Variants in SRCAP observed in about 807,000 individuals in gnomAD.
SRCAP encodes chromatin remodeling protein SRCAP.
SRCAP carries 46 observed loss-of-function variants against 263.1 expected under a neutral mutation model. That is an observed-to-expected ratio of 0.17 (90% CI 0.14 to 0.22). The LOEUF (loss-of-function observed/expected upper bound fraction) is 0.22, where lower values mean the gene tolerates loss of function less well. SRCAP is among the 10% of genes least tolerant of loss of function. SRCAP has a pLI of 1.00. For synonymous variants in SRCAP, 1,813 were observed against 1,662.1 expected, an observed-to-expected ratio of 1.09 and a Z score of -2.21; for missense variants, 3,695 against 4,181.9, an observed-to-expected ratio of 0.88 and a Z score of 3.21.
Position 30,733,110 on chromosome 16 carries a change from A to T in SRCAP, c.6128-170A>T, listed in dbSNP as rs1016497144. On this transcript the variant is annotated intron_variant, in intron 27 of 33. Transcript: ENST00000262518. The surrounding 1 kb of genome is among the most constrained non-coding windows in gnomAD (Gnocchi z 5.3). Reference sequence around the variant, plus strand: ...CTCAGCTTCTCAGAGTGCAGGGACTACAGGTGTGAGCCACCATGCCCTGCC... The same window carrying T: ...CTCAGCTTCTCAGAGTGCAGGGACTTCAGGTGTGAGCCACCATGCCCTGCC... Among the ~76,000 whole-genome samples, 1 of 152,192 alleles carries T rather than the reference A, an allele frequency of 6.6e-6. No individual in the cohort carries two copies. The highest frequency in any genetic ancestry group is 6.5e-5 in the Admixed American group (1 of 15,274).
rs142064048 is a variant in SRCAP, at chr16:30,739,765, G to A, written c.*32G>A. On this transcript the variant is annotated 3_prime_UTR_variant, in exon 34 of 34. Coordinates refer to ENST00000262518, the MANE Select transcript of SRCAP (RefSeq NM_006662.3). Reference sequence around the variant, plus strand: ...TGCCCCTCCACCTAGGCTTTCCACCGTGGCCACTCCCTCCATGACCAGGCC... The same window carrying A: ...TGCCCCTCCACCTAGGCTTTCCACCATGGCCACTCCCTCCATGACCAGGCC... 72 of 1,451,578 alleles carry A rather than the reference G, an allele frequency of 5.0e-5. No individual in the cohort carries two copies. The highest frequency in any genetic ancestry group is 5.9e-5 in the Non-Finnish European group (65 of 1,100,278). 89.9% of individuals were successfully genotyped at this position (1,451,578 alleles called of 1,614,324 possible).
intron 19 of SRCAP, 44 bp from the exon 20 acceptor site, chr16:30,720,669 A>C (rs759424397): frequency 1.3e-6 from 2 of 1,526,050 alleles, no homozygotes; most frequent in Non-Finnish European, 1.8e-6. Flanking sequence ...GCTACCCCTT[A>C]TTCTCCTTCT....
At chr16:30,709,397 A>C (rs964606202) in intron 6 of SRCAP, 116 bp from the exon 7 acceptor site, 114 of 1,052,138 alleles carry the variant, frequency 1.1e-4, no homozygotes, top group Non-Finnish European at 1.3e-5. Flanking sequence ...ATTTAGTTTT[A>C]CTTTCCTAAG....
In SRCAP at chr16:30,737,260, A is replaced by C; in HGVS notation, c.7220A>C (p.Gln2407Pro). The C allele has an allele frequency of 1.2e-6, 2 of 1,613,950 alleles. No individual in the cohort carries two copies. Among genetic ancestry groups the C allele is most frequent in the East Asian group, 4.5e-5 (2 of 44,840 alleles). Residue 2407 changes from glutamine to proline, a missense_variant, in exon 34 of 34, where the codon CAA (glutamine) becomes CCA (proline). Gln to Pro is a moderately conservative substitution (Grantham distance 76, BLOSUM62 -1). Coordinates refer to ENST00000262518, the MANE Select transcript of SRCAP (RefSeq NM_006662.3). ...CTTCGTGGAGCCCGGGCTGAGACTCAAGGGGCAAACCACACTCCTGTCATA... is the reference window on the plus strand; with the variant it reads ...CTTCGTGGAGCCCGGGCTGAGACTCCAGGGGCAAACCACACTCCTGTCATA... Reference protein sequence around the residue: ...ERLRGARAETQGANHTPVISA... With the variant: ...ERLRGARAETPGANHTPVISA...
In SRCAP at chr16:30,710,740, C is replaced by A. The variant is rs534965827; in HGVS notation, c.1135-14C>A. 2 of 1,613,526 alleles carry A rather than the reference C, an allele frequency of 1.2e-6. No homozygotes were observed. Among genetic ancestry groups the A allele is most frequent in the African/African-American group, 2.7e-5 (2 of 74,878 alleles). ...AACCTTAGACCCTTCCCTTTTTTATCTTTTGCCATACAGATAAAGCCCCCA... is the reference window on the plus strand; with the variant it reads ...AACCTTAGACCCTTCCCTTTTTTATATTTTGCCATACAGATAAAGCCCCCA... On this transcript the variant is annotated splice_polypyrimidine_tract_variant and intron_variant, in intron 8 of 33. Transcript: ENST00000262518.
At chr16:30,702,960 C>G (rs1157301000) in intron 3 of SRCAP, among the ~76,000 whole-genome samples, 1 of 151,746 alleles carries the variant, frequency 6.6e-6, no homozygotes, top group Non-Finnish European at 1.5e-5. Flanking sequence ...TGCCTGCAGC[C>G]CATGCCTGTC....
Position 30,722,658 on chromosome 16 carries a change from G to A in SRCAP, c.3802G>A (p.Gly1268Ser), listed in dbSNP as rs1567247257. The A allele has an allele frequency of 6.2e-7, 1 of 1,613,864 alleles. No individual in the cohort carries two copies. Among genetic ancestry groups the A allele is most frequent in the Non-Finnish European group, 8.5e-7 (1 of 1,179,960 alleles). The change falls in exon 23 of 34, where the codon GGC becomes AGC. Residue 1268 changes from glycine (G) to serine (S), a missense_variant. Gly to Ser is a moderately conservative substitution (Grantham distance 56, BLOSUM62 0). This residue lies in a region of SRCAP where 1,347 missense variants were observed against 1,304.4 expected (regional missense o/e 1.03). Transcript: ENST00000262518. ...ALIQAVAPTP[G>S]PTPVSVLPSS... The stretch of plus-strand genomic sequence containing the variant: ...CATCCAGGCCGTGGCCCCGACCCCT[G>A]GCCCTACCCCTGTCTCTGTGCTGCC...
intron 25 of SRCAP, among the ~76,000 whole-genome samples, chr16:30,726,813 G>A (rs2053068917): frequency 6.6e-6 from 1 of 152,166 alleles, no homozygotes; most frequent in Non-Finnish European, 1.5e-5. Flanking sequence ...CGATTTTCCT[G>A]TGTCATCTTC....
At position 30,739,902 on chromosome 16, in the gene SRCAP, AAATGGG is replaced by A; in HGVS notation, c.*170_*175del. ...GGGGGTAGGCAACTGGTTGTCATGG[AAATGGG>A]GATCATCACAGTCCCCTTCCCCTTC... is the stretch of plus-strand genomic sequence containing the variant. On this transcript the variant is annotated 3_prime_UTR_variant, in exon 34 of 34. Transcript: ENST00000262518. 9.0e-7 allele frequency: 1 copy of A among 1,116,356 alleles called. No individual in the cohort carries two copies. 69.2% of individuals were successfully genotyped at this position (1,116,356 alleles called of 1,614,324 possible).
Position 30,733,362 on chromosome 16 carries a change from A to G in SRCAP, c.6210A>G (p.Arg2070=). Residue 2070 remains arginine, a synonymous_variant, in exon 28 of 34, where the codon CGA becomes CGG. Coordinates refer to ENST00000262518, the MANE Select transcript of SRCAP (RefSeq NM_006662.3). This position sits in a 1 kb window ranked among gnomAD's most constrained non-coding sequence, Gnocchi z 5.3. ...HRVLIFTQMT[R]MLDVLEQFLT... ...TGCTCATCTTCACCCAGATGACCCGAATGCTGGATGTATTGGAGCAGTTTC... is the reference window on the plus strand; with the variant it reads ...TGCTCATCTTCACCCAGATGACCCGGATGCTGGATGTATTGGAGCAGTTTC... 6.2e-7 allele frequency: 1 copy of G among 1,614,110 alleles called. No homozygotes were observed.
chr16:30,724,662 G>A lies in SRCAP; in HGVS notation c.5238G>A (p.Leu1746=), dbSNP rs376380059. The part of the protein sequence containing the change: ...PGPPLGPTQT[L]SLAPAPPLAP... ...CACCACTGGGTCCAACTCAGACGCT[G>A]TCTCTGGCTCCAGCACCCCCTCTGG... is the stretch of plus-strand genomic sequence containing the variant. The change falls in exon 25 of 34, where the codon CTG becomes CTA. Residue 1746 remains leucine (L), a synonymous_variant. Coordinates refer to ENST00000262518, the MANE Select transcript of SRCAP (RefSeq NM_006662.3). The A allele has an allele frequency of 6.2e-7, 1 of 1,613,994 alleles. No individual in the cohort carries two copies. Among genetic ancestry groups the A allele is most frequent in the Non-Finnish European group, 8.5e-7 (1 of 1,179,996 alleles).
At chr16:30,715,126 C>G (rs1009775283) in intron 16 of SRCAP, among the ~76,000 whole-genome samples, 1 of 152,182 alleles carries the variant, frequency 6.6e-6, no homozygotes, top group African/African-American at 2.4e-5. Context: ...GATCACTTGA[C>G]CTGTATTTAA....
intron 24 of SRCAP, 37 bp from the exon 25 acceptor site, chr16:30,723,547 A>G (rs2053031860): frequency 6.3e-7 from 1 of 1,580,350 alleles, no homozygotes; most frequent in Non-Finnish European, 8.6e-7. Flanking sequence ...GGCTCAGGAA[A>G]AGAATTCTGG....
chr16:30,738,658 C>T lies in SRCAP; in HGVS notation c.8618C>T (p.Ala2873Val), dbSNP rs752497809. 6.2e-7 allele frequency: 1 copy of T among 1,612,656 alleles called. No homozygotes were observed. Among genetic ancestry groups the T allele is most frequent in the Non-Finnish European group, 8.5e-7 (1 of 1,179,356 alleles). The change falls in exon 34 of 34, where the codon GCT (alanine) becomes GTT (valine). Residue 2873 changes from alanine (A) to valine (V), a missense_variant. Coordinates refer to ENST00000262518, the MANE Select transcript of SRCAP (RefSeq NM_006662.3). ...AAGAAGAACAGGTCTCCAGCAGATG[C>T]TGGGAGAGGTGTGGATGAGGCACCC... Reference protein sequence around the residue: ...PPKKNRSPADAGRGVDEAPSS... With the variant: ...PPKKNRSPADVGRGVDEAPSS...
intron 31 of SRCAP, among the ~76,000 whole-genome samples, chr16:30,735,567 CTTTTTTTTT>C (rs10663863): frequency 2.0e-4 from 14 of 69,596 alleles, no homozygotes; most frequent in Middle Eastern, 0.016. Flanking sequence ...TTTGACATTA[CTTTTTTTTT>C]TTTTTTTTTT....
chr16:30,704,141 C>T lies in SRCAP; in HGVS notation c.132C>T (p.Gly44=), dbSNP rs149628651. The stretch of plus-strand genomic sequence containing the variant: ...GTTCCCCAGCCTCTAGTGGGGCAGG[C>T]GGCATCTCCCCGCAGCACATAGCTC... ...SSSSPASSGA[G]GISPQHIAQD... The change falls in exon 4 of 34, where the codon GGC becomes GGT. Residue 44 remains glycine (G), a synonymous_variant. Transcript: ENST00000262518. The T allele has an allele frequency of 1.9e-3, 3,074 of 1,614,186 alleles. 7 individuals are homozygous for T. Among genetic ancestry groups the T allele is most frequent in the Middle Eastern group, 5.3e-3 (32 of 6,062 alleles).
In SRCAP at chr16:30,721,760, G is replaced by A. The variant is rs551720655; in HGVS notation, c.3541+284G>A. On this transcript the variant is annotated intron_variant, in intron 21 of 33. Transcript: ENST00000262518. ...AGACATTGTCAGATCATAATTAAGA[G>A]CCCTTAAGAAATTGACATAGGGAGA... Among the ~76,000 whole-genome samples the A allele has an allele frequency of 3.4e-4, 52 of 152,340 alleles. 5 individuals are homozygous for A. The highest frequency in any genetic ancestry group is 1.2e-3 in the African/African-American group (50 of 41,572).
chr16:30,729,074 C>T lies in SRCAP; in HGVS notation c.5767C>T (p.Leu1923=), dbSNP rs1430602150. 1.2e-6 allele frequency: 2 copies of T among 1,614,216 alleles called. No individual in the cohort carries two copies. The highest frequency in any genetic ancestry group is 1.7e-6 in the Non-Finnish European group (2 of 1,180,044). ...GGCACCTGTGTATGGGACTGAAGTCCTGGATTTCTGTACCCTGCCCCAACC... is the reference window on the plus strand; with the variant it reads ...GGCACCTGTGTATGGGACTGAAGTCTTGGATTTCTGTACCCTGCCCCAACC... ...ALAPVYGTEV[L]DFCTLPQPVA... The change falls in exon 26 of 34, where the codon CTG becomes TTG. Residue 1923 remains leucine, a synonymous_variant. Coordinates refer to ENST00000262518, the MANE Select transcript of SRCAP (RefSeq NM_006662.3).
intron 27 of SRCAP, among the ~76,000 whole-genome samples, chr16:30,732,984 C>G (rs934504545): frequency 6.6e-6 from 1 of 152,014 alleles, no homozygotes; most frequent in African/African-American, 2.4e-5. Context: ...TACAGTCACC[C>G]GCCATCACGC....
Sources: gnomAD v4.1 joint callset for allele counts (sites outside exome capture counted in the v4.1 genomes callset) on GRCh38, gnomAD v4.1.1 for gene constraint, gnomAD v4.1.1 regional missense constraint, Gnocchi (gnomAD v3.1) non-coding constraint, MANE v1.5 for transcripts, NCBI Gene and HGNC (gene_info 2026-07-23, HGNC 2026-07-21) for gene names.